The following DNASE1L3 variants were observed in gnomAD, a reference collection of about 807,000 sequenced individuals.
DNASE1L3 encodes the protein deoxyribonuclease gamma.
In DNASE1L3, 27 loss-of-function variants were observed where a neutral mutation model predicts 30.9. The ratio of observed to expected loss-of-function variants is 0.87; its 90% CI spans 0.64 to 1.20. The LOEUF is 1.20. Among genes scored for constraint, DNASE1L3 ranks in the 50% most tolerant of loss-of-function variants. DNASE1L3 has a pLI of 0.00. For synonymous variants in DNASE1L3, 135 were observed against 138.0 expected (o/e 0.98, Z 0.15); for missense variants, 364 against 378.2 (o/e 0.96, Z 0.31).
In DNASE1L3 at chr3:58,197,948, C is replaced by A; in HGVS notation, c.577G>T (p.Gly193Cys). ...NFIFMGDFNAGCSYVPKKAWK... is the reference protein window; with the variant it reads ...NFIFMGDFNACCSYVPKKAWK... ...GCCTTCTTGGGGACGTAGCTGCAGCCGGCATTGAAGTCACCCATGAAAATG... is the reference window on the plus strand; with the variant it reads ...GCCTTCTTGGGGACGTAGCTGCAGCAGGCATTGAAGTCACCCATGAAAATG... Residue 193 changes from glycine to cysteine, a missense_variant, in exon 6 of 8, where the codon GGC (glycine) becomes TGC (cysteine). Coordinates refer to ENST00000394549, the MANE Select transcript of DNASE1L3 (RefSeq NM_004944.4). This position sits in a 1 kb window ranked among gnomAD's most constrained non-coding sequence, Gnocchi z 5.3. 1 of 1,613,482 alleles carries A rather than the reference C, an allele frequency of 6.2e-7. No homozygotes were observed. Among genetic ancestry groups the A allele is most frequent in the South Asian group, 1.1e-5 (1 of 90,968 alleles).
chr3:58,203,340 A>G (rs2097401979), intron 4 of DNASE1L3, among the ~76,000 whole-genome samples: 1 of 151,984 alleles, frequency 6.6e-6, no homozygotes, highest in Non-Finnish European at 1.5e-5. Context: ...TGTGCCCTCC[A>G]TGTGGAATGC....
rs184486912 is a variant in DNASE1L3 at position 58,197,050 on chromosome 3, G to T, written c.704+771C>A. On this transcript the variant is annotated intron_variant, in intron 6 of 7. Coordinates refer to ENST00000394549, the MANE Select transcript of DNASE1L3 (RefSeq NM_004944.4). This position sits in a 1 kb window ranked among gnomAD's most constrained non-coding sequence, Gnocchi z 5.3. Reference sequence around the variant, plus strand: ...CCCAATGCCTAATGATGGGGATTGGGCGCATCAATTGCGGTAAGTCTTTGT... The same window carrying T: ...CCCAATGCCTAATGATGGGGATTGGTCGCATCAATTGCGGTAAGTCTTTGT... Among the ~76,000 whole-genome samples the T allele has an allele frequency of 2.4e-4, 36 of 152,314 alleles. No individual in the cohort carries two copies. The highest frequency in any genetic ancestry group is 4.7e-4 in the Non-Finnish European group (32 of 68,028).
intron 7 of DNASE1L3, 128 bp downstream of exon 7, chr3:58,193,215 C>G: frequency 7.0e-7 from 1 of 1,427,672 alleles, no homozygotes; most frequent in East Asian, 2.5e-5. Flanking sequence ...TAGCTGGGAC[C>G]ATAGGCATGC....
At chr3:58,196,562 A>G (rs988847275) in intron 6 of DNASE1L3, among the ~76,000 whole-genome samples, 1 of 150,604 alleles carries the variant, frequency 6.6e-6, no homozygotes, top group Non-Finnish European at 1.5e-5. Flanking sequence ...AAAAAAAAAA[A>G]AAAAAAAAAA....
At chr3:58,199,123 C>T (rs1413554383) in intron 5 of DNASE1L3, among the ~76,000 whole-genome samples, 3 of 152,260 alleles carry the variant, frequency 2.0e-5, no homozygotes, top group Admixed American at 2.0e-4. Flanking sequence ...CAATTTTCCC[C>T]ATGATTGATG....
intron 4 of DNASE1L3, among the ~76,000 whole-genome samples, chr3:58,201,983 C>A (rs1343945895): frequency 1.3e-5 from 2 of 152,172 alleles, no homozygotes; most frequent in African/African-American, 4.8e-5. Context: ...CAACTGTGTT[C>A]CATGCTGGCA....
chr3:58,193,998 T>A (rs2097395705), intron 6 of DNASE1L3, among the ~76,000 whole-genome samples: 1 of 152,248 alleles, frequency 6.6e-6, no homozygotes, highest in Non-Finnish European at 1.5e-5. Flanking sequence ...TTACTCATGC[T>A]AGTATCATGA....
At chr3:58,210,607 C>A (rs914097004) in intron 1 of DNASE1L3, among the ~76,000 whole-genome samples, 159 bp downstream of exon 1, 1 of 152,186 alleles carries the variant, frequency 6.6e-6, no homozygotes, top group South Asian at 2.1e-4. Context: ...TTTAAGATGA[C>A]GGCAGGAGGT....
Position 58,192,777 on chromosome 3 carries a change from T to C in DNASE1L3, c.828A>G (p.Pro276=). The part of the protein sequence containing the change: ...EEALDVSDHF[P]VEFKLQSSRA... ...TTGAAGACTGTAGTTTAAATTCAAC[T>C]GGAAAGTGGTCGCTGACATCCAGGG... is the stretch of plus-strand genomic sequence containing the variant. The change falls in exon 8 of 8, where the codon CCA becomes CCG. Residue 276 remains proline, a synonymous_variant. Transcript: ENST00000394549. This position sits in a 1 kb window ranked among gnomAD's most constrained non-coding sequence, Gnocchi z 4.8. The C allele has an allele frequency of 6.2e-7, 1 of 1,614,060 alleles. No individual in the cohort carries two copies. The highest frequency in any genetic ancestry group is 8.5e-7 in the Non-Finnish European group (1 of 1,179,992).
intron 6 of DNASE1L3, among the ~76,000 whole-genome samples, chr3:58,194,716 C>T (rs2097396185): frequency 1.4e-5 from 2 of 147,176 alleles, no homozygotes; most frequent in Admixed American, 1.4e-4. Flanking sequence ...AGCTCTGCCT[C>T]CTGGGTTCAT....
chr3:58,208,443 C>G, intron 1 of DNASE1L3, 137 bp from the exon 2 acceptor site: 1 of 854,698 alleles, frequency 1.2e-6, no homozygotes, highest in East Asian at 2.6e-5. Context: ...AAATGAAGGA[C>G]TCCCTGAGGT....
chr3:58,197,670 C>A lies in DNASE1L3; in HGVS notation c.704+151G>T. The A allele has an allele frequency of 9.5e-7, 1 of 1,052,040 alleles. No individual in the cohort carries two copies. The highest frequency in any genetic ancestry group is 2.4e-5 in the Admixed American group (1 of 41,860). The allele number at this position is 1,052,040 out of a possible 1,614,324, so 65.2% of individuals were successfully genotyped here. A position where few individuals can be genotyped will look rare whatever the true frequency, so the allele number is the denominator to read the frequency against. Reference sequence around the variant, plus strand: ...GTTTCATCATGTTGCCCAGGCTGGTCTCAAACTCCTGTACTCAAGCGATCC... The same window carrying A: ...GTTTCATCATGTTGCCCAGGCTGGTATCAAACTCCTGTACTCAAGCGATCC... On this transcript the variant is annotated intron_variant, in intron 6 of 7. Coordinates refer to ENST00000394549, the MANE Select transcript of DNASE1L3 (RefSeq NM_004944.4). This position sits in a 1 kb window ranked among gnomAD's most constrained non-coding sequence, Gnocchi z 5.3.
intron 2 of DNASE1L3, among the ~76,000 whole-genome samples, chr3:58,206,631 T>A (rs9873188): frequency 0.081 from 12,383 of 152,008 alleles, 622 homozygotes; most frequent in African/African-American, 0.14. Context: ...TAGGTTGGGG[T>A]GTGCCAAGAC....
At chr3:58,193,246 T>C (rs1425165133) in intron 7 of DNASE1L3, 97 bp downstream of exon 7, 2 of 1,514,386 alleles carry the variant, frequency 1.3e-6, no homozygotes, top group Admixed American at 3.6e-5. Context: ...CCAGCTAATT[T>C]TTTTGAATTT....
At chr3:58,208,645 C>CAAT (rs1338819408) in intron 1 of DNASE1L3, among the ~76,000 whole-genome samples, 4 of 151,962 alleles carry the variant, frequency 2.6e-5, no homozygotes, top group Admixed American at 1.3e-4. Flanking sequence ...TGAATAATTA[C>CAAT]AATAATAATA....
intron 5 of DNASE1L3, 55 bp from the exon 6 acceptor site, chr3:58,198,033 C>A: frequency 6.4e-7 from 1 of 1,554,322 alleles, no homozygotes; most frequent in Non-Finnish European, 8.7e-7. Flanking sequence ...AGAATGCTTT[C>A]ACACTGGACT....
At chr3:58,205,384 A>C in intron 3 of DNASE1L3, 87 bp downstream of exon 3, 1 of 1,203,394 alleles carries the variant, frequency 8.3e-7, no homozygotes, top group South Asian at 1.2e-5. Context: ...TAGAAATCAA[A>C]ATTTGGTTTT....
intron 2 of DNASE1L3, 70 bp downstream of exon 2, chr3:58,208,148 T>A: frequency 6.8e-7 from 1 of 1,460,436 alleles, no homozygotes; most frequent in Non-Finnish European, 9.6e-7. Context: ...TTACTTTCAG[T>A]TCCCAGGGGT....
In DNASE1L3 at chr3:58,208,294, A is replaced by C. The variant is rs148406554; in HGVS notation, c.154T>G (p.Cys52Gly). Residue 52 changes from cysteine (C) to glycine (G), a missense_variant, in exon 2 of 8, where the codon TGT becomes GGT. Transcript: ENST00000394549. ...ATTTCCATCACGAGTATGATGTCAC[A>C]GCGTTTGATGACCTGCAAGAAAGAG... ...MDVIVKVIKR[C>G]DIILVMEIKD... is the part of the protein sequence containing the mutation. The C allele has an allele frequency of 2.5e-6, 4 of 1,614,100 alleles. No homozygotes were observed. The highest frequency in any genetic ancestry group is 3.4e-6 in the Non-Finnish European group (4 of 1,180,036).
Sources: gnomAD v4.1 joint callset for allele counts (sites outside exome capture counted in the v4.1 genomes callset) on GRCh38, gnomAD v4.1.1 for gene constraint, Gnocchi (gnomAD v3.1) non-coding constraint, MANE v1.5 for transcripts, NCBI Gene and HGNC (gene_info 2026-07-23, HGNC 2026-07-21) for gene names.